CDH18: variants seen among roughly 807,000 people sequenced by gnomAD.
The protein encoded by CDH18 is cadherin 18, also known as cadherin-18.
CDH18 carries 31 observed loss-of-function variants against 67.9 expected under a neutral mutation model. That is an observed-to-expected ratio of 0.46 (90% CI 0.34 to 0.62). The LOEUF (loss-of-function observed/expected upper bound fraction) is 0.62, where lower values mean the gene tolerates loss of function less well. Among genes scored for constraint, CDH18 ranks in the 20% least tolerant of loss-of-function variants. The pLI is 0.01. For synonymous variants in CDH18, 362 were observed against 347.2 expected, an observed-to-expected ratio of 1.04 and a Z score of -0.48; for missense variants, 890 against 975.5, an observed-to-expected ratio of 0.91 and a Z score of 1.17.
At chr5:20,304,114 C>A in intron 1 of CDH18, 3 of 1,609,644 alleles carry the variant, frequency 1.9e-6, no homozygotes, top group Non-Finnish European at 1.7e-6. Flanking sequence ...TTACCCGAAT[C>A]AACATGGTGA....
chr5:20,027,782 C>T (rs960476599), intron 2 of CDH18, among the ~76,000 whole-genome samples: 4 of 152,070 alleles, frequency 2.6e-5, no homozygotes, highest in Non-Finnish European at 4.4e-5. Flanking sequence ...ATATGGTGGT[C>T]TTGAATAAAA....
intron 2 of CDH18, among the ~76,000 whole-genome samples, chr5:19,932,915 G>A (rs984070758): frequency 6.6e-6 from 1 of 151,532 alleles, no homozygotes; most frequent in Non-Finnish European, 1.5e-5. Flanking sequence ...GACTGAAAAA[G>A]AATCCACATA....
chr5:20,534,619 T>C (rs1756604806), intron 1 of CDH18, among the ~76,000 whole-genome samples: 1 of 152,038 alleles, frequency 6.6e-6, no homozygotes, highest in African/African-American at 2.4e-5. Flanking sequence ...GTGACTTTGA[T>C]TGAAACAGAT....
At chr5:19,593,279 C>T (rs1192847141) in intron 6 of CDH18, among the ~76,000 whole-genome samples, 7 of 152,080 alleles carry the variant, frequency 4.6e-5, no homozygotes, top group African/African-American at 9.7e-5. Flanking sequence ...CACATTTCTA[C>T]CAACAGTTTG....
intron 1 of CDH18, among the ~76,000 whole-genome samples, chr5:20,511,476 G>C (rs1363241600): frequency 1.3e-5 from 2 of 152,020 alleles, no homozygotes; most frequent in Non-Finnish European, 2.9e-5. Flanking sequence ...AAAAAAAAGT[G>C]TTTCATAATA....
rs1214616186 is a variant in CDH18, at chr5:19,681,239, G to C, written c.643+40108C>G. On this transcript the variant is annotated intron_variant, in intron 5 of 12. Coordinates refer to ENST00000382275, the MANE Select transcript of CDH18 (RefSeq NM_004934.5). ...GTACACACGAACACATGACTTAAGA[G>C]CGCAAGGTGGGAGTAGACAGAGGAT... is the stretch of plus-strand genomic sequence containing the variant. 2.0e-5 allele frequency among the ~76,000 whole-genome samples: 3 copies of C among 151,764 alleles called. No homozygotes were observed. In the East Asian group the frequency reaches 5.8e-4, roughly 29 times the overall value.
At chr5:20,136,650 TTGCTCATTAGTCAG>T (rs1456275358) in intron 2 of CDH18, among the ~76,000 whole-genome samples, 3 of 152,200 alleles carry the variant, frequency 2.0e-5, no homozygotes, top group Non-Finnish European at 4.4e-5. Flanking sequence ...GCTGGTTATT[TTGCTCATTAGTCAG>T]TGCAGTTTCT....
intron 1 of CDH18, among the ~76,000 whole-genome samples, chr5:20,552,874 C>T (rs983242499): frequency 6.6e-6 from 1 of 152,030 alleles, no homozygotes; most frequent in Non-Finnish European, 1.5e-5. Flanking sequence ...CCTGTCTCAG[C>T]CTCCTGAGTA....
intron 8 of CDH18, among the ~76,000 whole-genome samples, chr5:19,568,904 C>G (rs1328918255): frequency 6.6e-6 from 1 of 152,176 alleles, no homozygotes. Context: ...CTGTCCCTTG[C>G]AGGGGGGTGG....
intron 2 of CDH18, among the ~76,000 whole-genome samples, chr5:19,965,600 G>A (rs1268721984): frequency 1.3e-5 from 2 of 152,260 alleles, no homozygotes; most frequent in East Asian, 1.9e-4. Flanking sequence ...AGAATTACAG[G>A]AGTGATTTAT....
rs1356294423 is a variant in CDH18 at position 20,277,899 on chromosome 5, A to G, written c.-579-22394T>C. Among the ~76,000 whole-genome samples the G allele has an allele frequency of 2.6e-5, 4 of 152,214 alleles. No homozygotes were observed. The East Asian group carries it at 7.7e-4, about 29-fold the overall frequency. On this transcript the variant is annotated intron_variant, in intron 1 of 14. Transcript: ENST00000507958. ...CTGAAGAATGTGTCAGTCTCTTAGC[A>G]GCAGAACTGATCATGCAGAAGAAAG...
intron 5 of CDH18, among the ~76,000 whole-genome samples, chr5:19,669,558 T>C (rs1052634904): frequency 3.3e-5 from 5 of 152,098 alleles, no homozygotes. Context: ...CCCAAAGTGC[T>C]GGGATTACAG....
chr5:20,078,867 C>G (rs1272237349), intron 2 of CDH18, among the ~76,000 whole-genome samples: 12 of 152,172 alleles, frequency 7.9e-5, no homozygotes, highest in African/African-American at 2.7e-4. Context: ...CCACCCGCCT[C>G]GGCCTCCCAA....
intron 2 of CDH18, among the ~76,000 whole-genome samples, chr5:20,041,181 G>A (rs1740391291): frequency 6.6e-6 from 1 of 152,158 alleles, no homozygotes; most frequent in Non-Finnish European, 1.5e-5. Context: ...ACTTTACGAT[G>A]TTTCTCATGA....
At chr5:20,492,695 A>G (rs1369798165) in intron 1 of CDH18, among the ~76,000 whole-genome samples, 1 of 152,230 alleles carries the variant, frequency 6.6e-6, no homozygotes, top group African/African-American at 2.4e-5. Flanking sequence ...TATTTCATGT[A>G]CTTATAATTA....
intron 2 of CDH18, among the ~76,000 whole-genome samples, chr5:19,909,535 G>C (rs1226697763): frequency 1.3e-5 from 2 of 151,890 alleles, no homozygotes; most frequent in African/African-American, 4.8e-5. Context: ...CTGACCTCAG[G>C]TGATCCACCC....
intron 2 of CDH18, among the ~76,000 whole-genome samples, chr5:19,968,914 A>C (rs1219218711): frequency 2.8e-5 from 4 of 141,522 alleles, no homozygotes; most frequent in Admixed American, 6.8e-5. Context: ...GCAAACTACA[A>C]AATGGGAGAA....
chr5:19,741,826 C>A (rs979395826), intron 4 of CDH18, among the ~76,000 whole-genome samples: 4 of 152,078 alleles, frequency 2.6e-5, no homozygotes, highest in South Asian at 2.1e-4. Context: ...TCTGAAGACA[C>A]CATCACTTTG....
At chr5:20,321,601 T>C (rs774931745) in intron 1 of CDH18, among the ~76,000 whole-genome samples, 2 of 152,210 alleles carry the variant, frequency 1.3e-5, no homozygotes, top group African/African-American at 2.4e-5. Flanking sequence ...TTATTAAATT[T>C]ACTGTCTCAA....
Sources: allele counts gnomAD v4.1 joint callset (sites outside exome capture counted in the v4.1 genomes callset), GRCh38; gene constraint gnomAD v4.1.1; transcripts MANE v1.5; gene names NCBI Gene and HGNC (gene_info 2026-07-23, HGNC 2026-07-21).